KIAA0825: variants seen among roughly 807,000 people sequenced by gnomAD.
The protein encoded by KIAA0825 is uncharacterized protein KIAA0825.
In KIAA0825, 119 loss-of-function variants were observed where a neutral mutation model predicts 147.6. The ratio of observed to expected loss-of-function variants is 0.81; its 90% confidence interval spans 0.69 to 0.94. The LOEUF is 0.94. Ranked by LOEUF, KIAA0825 falls within the 40% of genes least tolerant of loss-of-function variation. The pLI is 0.00. For missense variants in KIAA0825, 1,381 were observed against 1,472.7 expected, an observed-to-expected ratio of 0.94 and a Z score of 1.02; for synonymous variants, 470 against 518.1, an observed-to-expected ratio of 0.91 and a Z score of 1.26.
At chr5:94,614,136 C>A (rs1208463582) in intron 1 of KIAA0825, among the ~76,000 whole-genome samples, 2 of 151,932 alleles carry the variant, frequency 1.3e-5, no homozygotes, top group African/African-American at 4.8e-5. Context: ...TTTATAGAAG[C>A]AAATTTATTG....
At chr5:94,239,147 G>A (rs918384872) in intron 20 of KIAA0825, among the ~76,000 whole-genome samples, 5 of 152,136 alleles carry the variant, frequency 3.3e-5, no homozygotes, top group African/African-American at 1.2e-4. Flanking sequence ...ATGCCTGTCT[G>A]AAGTATACTT....
chr5:94,258,833 T>C (rs1174011786), intron 20 of KIAA0825, among the ~76,000 whole-genome samples: 1 of 152,022 alleles, frequency 6.6e-6, no homozygotes, highest in Admixed American at 6.6e-5. Context: ...TTCTATATGC[T>C]GTAAATGCTA....
chr5:94,234,483 TA>T (rs1774931374), intron 20 of KIAA0825, among the ~76,000 whole-genome samples: 1 of 152,158 alleles, frequency 6.6e-6, no homozygotes, highest in African/African-American at 2.4e-5. Flanking sequence ...TCCATTGCCA[TA>T]AAAAAATTCC....
chr5:94,210,616 A>G (rs1250417262), intron 20 of KIAA0825, among the ~76,000 whole-genome samples: 1 of 152,178 alleles, frequency 6.6e-6, no homozygotes, highest in African/African-American at 2.4e-5. Context: ...AAGGAGCAAT[A>G]AGAAGTAGAA....
At chr5:94,485,400 A>T (rs1374195930) in intron 5 of KIAA0825, among the ~76,000 whole-genome samples, 2 of 151,836 alleles carry the variant, frequency 1.3e-5, no homozygotes, top group East Asian at 3.8e-4. Context: ...TGAAATTAAT[A>T]CATAATCAGC....
intron 1 of KIAA0825, chr5:94,592,813 C>T (rs1487136554): frequency 2.0e-5 from 9 of 458,376 alleles, no homozygotes; most frequent in Non-Finnish European, 3.7e-5. Flanking sequence ...TACAAATATG[C>T]TTCGGCTAAG....
In KIAA0825 at chr5:94,556,953, C is replaced by T. The variant is rs1256858951; in HGVS notation, c.-1-19826G>A. Among the ~76,000 whole-genome samples the T allele has an allele frequency of 2.0e-5, 3 of 152,306 alleles. No homozygotes were observed. In the East Asian group the frequency reaches 5.8e-4, roughly 29 times the overall value. The stretch of plus-strand genomic sequence containing the variant: ...TTGCACTATTCAGTACTGACAGCTA[C>T]TCCTTCCTTGAAATTGTCTCCTCTC... On this transcript the variant is annotated intron_variant, in intron 2 of 20. Transcript: ENST00000682413.
intron 20 of KIAA0825, among the ~76,000 whole-genome samples, chr5:94,192,750 G>A (rs1191302452): frequency 6.6e-6 from 1 of 152,012 alleles, no homozygotes; most frequent in African/African-American, 2.4e-5. Context: ...AACACAATTG[G>A]GTATAGAATC....
intron 20 of KIAA0825, among the ~76,000 whole-genome samples, chr5:94,238,186 G>C (rs756939596): frequency 2.0e-5 from 3 of 152,194 alleles, no homozygotes; most frequent in African/African-American, 7.2e-5. Context: ...TGGGTGGCAA[G>C]ATGGGCAGGT....
At chr5:94,616,147 A>C (rs900635767) in intron 1 of KIAA0825, among the ~76,000 whole-genome samples, 2 of 152,182 alleles carry the variant, frequency 1.3e-5, no homozygotes, top group African/African-American at 4.8e-5. Context: ...TGATAGCAAA[A>C]TATCCCTGAG....
chr5:94,246,019 A>G (rs1775592767), intron 20 of KIAA0825, among the ~76,000 whole-genome samples: 1 of 152,136 alleles, frequency 6.6e-6, no homozygotes, highest in Non-Finnish European at 1.5e-5. Flanking sequence ...GGAAAGCCTT[A>G]TCCTTAGAGA....
chr5:94,347,143 GCCT>G (rs776315011), intron 20 of KIAA0825, among the ~76,000 whole-genome samples: 2 of 152,128 alleles, frequency 1.3e-5, no homozygotes, highest in Non-Finnish European at 2.9e-5. Flanking sequence ...TCCCACAGCA[GCCT>G]CGGTAAGACC....
At chr5:94,174,548 C>T (rs1768909948) in intron 20 of KIAA0825, among the ~76,000 whole-genome samples, 1 of 152,066 alleles carries the variant, frequency 6.6e-6, no homozygotes, top group South Asian at 2.1e-4. Flanking sequence ...AATTACATTT[C>T]CCCATTTATA....
At chr5:94,342,788 A>G (rs1365375274) in intron 20 of KIAA0825, among the ~76,000 whole-genome samples, 1 of 152,092 alleles carries the variant, frequency 6.6e-6, no homozygotes, top group African/African-American at 2.4e-5. Flanking sequence ...ATAAAGTAAG[A>G]AAAAAATCAT....
intron 20 of KIAA0825, among the ~76,000 whole-genome samples, chr5:94,239,178 C>T (rs1050955908): frequency 3.3e-5 from 5 of 152,128 alleles, no homozygotes; most frequent in African/African-American, 1.2e-4. Context: ...TTTTGTAATA[C>T]TGACAATTTG....
At chr5:94,323,380 G>C (rs908566739) in intron 20 of KIAA0825, among the ~76,000 whole-genome samples, 1 of 151,804 alleles carries the variant, frequency 6.6e-6, no homozygotes, top group Admixed American at 6.6e-5. Context: ...CTGATACAGA[G>C]ACAATTCCTA....
chr5:94,593,965 T>C (rs560016551), intron 1 of KIAA0825: 95 of 466,424 alleles, frequency 2.0e-4, no homozygotes, highest in Non-Finnish European at 3.3e-4. Context: ...AATCCATCCA[T>C]TTAGAATCCT....
intron 20 of KIAA0825, among the ~76,000 whole-genome samples, chr5:94,164,364 A>G (rs1583713490): frequency 6.6e-6 from 1 of 152,092 alleles, no homozygotes; most frequent in South Asian, 2.1e-4. Context: ...ACATAGACTA[A>G]TGGAACAGAA....
intron 20 of KIAA0825, among the ~76,000 whole-genome samples, chr5:94,234,239 C>T (rs904717387): frequency 1.8e-4 from 27 of 151,640 alleles, no homozygotes; most frequent in Non-Finnish European, 2.5e-4. Flanking sequence ...GGCGTGGTGG[C>T]GGGCACCTGT....
Sources: gnomAD v4.1 joint callset for allele counts (sites outside exome capture counted in the v4.1 genomes callset) on GRCh38, gnomAD v4.1.1 for gene constraint, MANE v1.5 for transcripts, NCBI Gene and HGNC (gene_info 2026-07-23, HGNC 2026-07-21) for gene names.